Variants in JAM3 observed in about 807,000 individuals in gnomAD.
JAM3 encodes junctional adhesion molecule 3, also known as junctional adhesion molecule C.
JAM3 carries 31 observed loss-of-function variants against 39.4 expected under a neutral mutation model. The ratio of observed to expected loss-of-function variants is 0.79; its 90% CI spans 0.59 to 1.06. The LOEUF is 1.06. Ranked by LOEUF, JAM3 falls within the 50% of genes least tolerant of loss-of-function variation. JAM3 has a pLI of 0.00. For missense variants in JAM3, 455 were observed against 391.4 expected (o/e 1.16, Z -1.37); for synonymous variants, 182 against 148.7 (o/e 1.22, Z -1.63).
intron 1 of JAM3, among the ~76,000 whole-genome samples, chr11:134,092,738 G>A (rs633746): frequency 5.6e-4 from 60 of 107,824 alleles, no homozygotes; most frequent in African/African-American, 2.1e-3. Context: ...TGAGGGAAGC[G>A]TCTCCTGAAC....
chr11:134,125,391 T>C (rs1390066816), intron 1 of JAM3, among the ~76,000 whole-genome samples: 1 of 152,258 alleles, frequency 6.6e-6, no homozygotes, highest in Non-Finnish European at 1.5e-5. Flanking sequence ...CTTTTAGGCT[T>C]CAAGGTCTGA....
rs1943030915 is a variant in JAM3 at position 134,144,364 on chromosome 11, A to C, written c.380A>C (p.Asp127Ala). The change falls in exon 4 of 9, where the codon GAT (aspartate) becomes GCT (alanine). Residue 127 changes from aspartate (D) to alanine (A), a missense_variant. By Grantham distance (126) the Asp-to-Ala change is moderately radical (BLOSUM62 -2). Coordinates refer to ENST00000299106, the MANE Select transcript of JAM3 (RefSeq NM_032801.5). ...GCTCGAAATGACCGCAAGGAAATTG[A>C]TGAGATTGTGATCGAGTTAACTGTG... ...VVARNDRKEI[D>A]EIVIELTVQV... 1 of 1,614,208 alleles carries C rather than the reference A, an allele frequency of 6.2e-7. No individual in the cohort carries two copies. The highest frequency in any genetic ancestry group is 8.5e-7 in the Non-Finnish European group (1 of 1,180,036).
chr11:134,090,113 A>G (rs1941818062), intron 1 of JAM3, among the ~76,000 whole-genome samples: 1 of 152,196 alleles, frequency 6.6e-6, no homozygotes, highest in African/African-American at 2.4e-5. Context: ...TCTTCTTTTG[A>G]GAAGTGTCTG....
intron 1 of JAM3, among the ~76,000 whole-genome samples, chr11:134,078,303 A>T (rs1477686396): frequency 1.3e-5 from 2 of 151,940 alleles, no homozygotes; most frequent in Admixed American, 1.3e-4. Flanking sequence ...TATTTTTAGT[A>T]GAGACGGGGT....
chr11:134,141,548 C>T (rs369537046), intron 3 of JAM3, among the ~76,000 whole-genome samples: 1 of 152,006 alleles, frequency 6.6e-6, no homozygotes, highest in African/African-American at 2.4e-5. Flanking sequence ...CGCTGTGAGG[C>T]TCTCAGGGGA....
At chr11:134,100,797 T>G (rs1262064679) in intron 1 of JAM3, among the ~76,000 whole-genome samples, 1 of 152,206 alleles carries the variant, frequency 6.6e-6, no homozygotes, top group Non-Finnish European at 1.5e-5. Context: ...CAGAAACACT[T>G]GATAAGCAGT....
intron 1 of JAM3, among the ~76,000 whole-genome samples, chr11:134,100,014 C>T (rs1166936666): frequency 6.6e-6 from 1 of 152,172 alleles, no homozygotes; most frequent in African/African-American, 2.4e-5. Context: ...TTTTTTAAGT[C>T]ACTTCTGACT....
chr11:134,079,460 T>A (rs942871190), intron 1 of JAM3, among the ~76,000 whole-genome samples: 3 of 152,156 alleles, frequency 2.0e-5, no homozygotes, highest in African/African-American at 7.2e-5. Flanking sequence ...TCTGATGTAA[T>A]GTGTGGACAA....
chr11:134,127,254 G>C (rs548059880), intron 1 of JAM3, among the ~76,000 whole-genome samples: 27 of 152,326 alleles, frequency 1.8e-4, no homozygotes, highest in Non-Finnish European at 4.0e-4. Context: ...AATTGGAAAT[G>C]ATACCACTTG....
intron 1 of JAM3, among the ~76,000 whole-genome samples, chr11:134,107,431 T>A (rs1309167648): frequency 6.6e-6 from 1 of 152,008 alleles, no homozygotes; most frequent in African/African-American, 2.4e-5. Context: ...TGTATACATG[T>A]GTAACAAACC....
chr11:134,113,823 T>A (rs1431184942), intron 1 of JAM3, among the ~76,000 whole-genome samples: 3 of 152,178 alleles, frequency 2.0e-5, no homozygotes, highest in Non-Finnish European at 4.4e-5. Flanking sequence ...TGTAAAAGTG[T>A]TCCTGTTTCT....
chr11:134,113,396 A>T (rs186365592), intron 1 of JAM3, among the ~76,000 whole-genome samples: 1 of 151,952 alleles, frequency 6.6e-6, no homozygotes, highest in African/African-American at 2.4e-5. Flanking sequence ...CCTGTGTCCA[A>T]GTGTTCTCAT....
At chr11:134,121,591 C>T (rs956669554) in intron 1 of JAM3, among the ~76,000 whole-genome samples, 18 of 152,054 alleles carry the variant, frequency 1.2e-4, no homozygotes, top group Non-Finnish European at 1.5e-5. Flanking sequence ...CTATGTCAAA[C>T]TGGCTTCAGC....
chr11:134,139,664 T>C (rs1942938809), intron 1 of JAM3, 187 bp from the exon 2 acceptor site: 4 of 624,546 alleles, frequency 6.4e-6, no homozygotes, highest in South Asian at 3.7e-5. Context: ...CTCCTTCCAG[T>C]GAAGGTCAGA....
At chr11:134,072,771 G>A (rs542879315) in intron 1 of JAM3, among the ~76,000 whole-genome samples, 56 of 152,296 alleles carry the variant, frequency 3.7e-4, no homozygotes, top group African/African-American at 1.2e-3. Context: ...TTAGCCGGGC[G>A]TGCTGGTGCT....
rs1372927623 is a variant in JAM3 at position 134,069,121 on chromosome 11, C to A, written c.38C>A (p.Ala13Asp). 1 of 1,612,640 alleles carries A rather than the reference C, an allele frequency of 6.2e-7. No homozygotes were observed. The highest frequency in any genetic ancestry group is 8.5e-7 in the Non-Finnish European group (1 of 1,179,414). Residue 13 changes from alanine (A) to aspartate (D), a missense_variant, in exon 1 of 9, where the codon GCT (alanine) becomes GAT (aspartate). Coordinates refer to ENST00000299106, the MANE Select transcript of JAM3 (RefSeq NM_032801.5). Reference sequence around the variant, plus strand: ...CGGCCACCGCGACTCCGGCTCTGCGCTCGGCTGCCTGACTTCTTCCTGCTG... The same window carrying A: ...CGGCCACCGCGACTCCGGCTCTGCGATCGGCTGCCTGACTTCTTCCTGCTG... Reference protein sequence around the residue: ...LRRPPRLRLCARLPDFFLLLL... With the variant: ...LRRPPRLRLCDRLPDFFLLLL...
chr11:134,096,135 C>G (rs1941978542), intron 1 of JAM3, among the ~76,000 whole-genome samples: 1 of 152,140 alleles, frequency 6.6e-6, no homozygotes, highest in African/African-American at 2.4e-5. Flanking sequence ...CGCCACTACA[C>G]CTGCCTGAGT....
At chr11:134,145,768 G>T (rs111841891) in intron 5 of JAM3, among the ~76,000 whole-genome samples, 178 bp from the exon 6 acceptor site, 44 of 152,342 alleles carry the variant, frequency 2.9e-4, no homozygotes, top group African/African-American at 1.1e-3. Context: ...AAGGGGATTG[G>T]TTGTTGGGGA....
At chr11:134,088,786 C>T (rs1941791439) in intron 1 of JAM3, among the ~76,000 whole-genome samples, 1 of 152,130 alleles carries the variant, frequency 6.6e-6, no homozygotes, top group Non-Finnish European at 1.5e-5. Flanking sequence ...ATATATATCA[C>T]ATCTGTGTTT....
Sources: gnomAD v4.1 joint callset for allele counts (sites outside exome capture counted in the v4.1 genomes callset) on GRCh38, gnomAD v4.1.1 for gene constraint, MANE v1.5 for transcripts, NCBI Gene and HGNC (gene_info 2026-07-23, HGNC 2026-07-21) for gene names.